The following SPIDR variants were observed in gnomAD, a reference collection of about 807,000 sequenced individuals.
SPIDR encodes the protein scaffold protein involved in DNA repair, also known as DNA repair-scaffolding protein.
In SPIDR, 93 loss-of-function variants were observed where a neutral mutation model predicts 104.6. That is an observed-to-expected ratio of 0.89 (90% CI 0.75 to 1.06). SPIDR has a LOEUF of 1.06. Among genes scored for constraint, SPIDR ranks in the 50% least tolerant of loss-of-function variants. SPIDR has a pLI of 0.00. For synonymous variants in SPIDR, 431 were observed against 416.9 expected (o/e 1.03, Z -0.41); for missense variants, 1,154 against 1,111.2 (o/e 1.04, Z -0.55).
At chr8:47,366,493 T>C (rs956831693) in intron 5 of SPIDR, among the ~76,000 whole-genome samples, 2 of 152,162 alleles carry the variant, frequency 1.3e-5, no homozygotes, top group Admixed American at 6.5e-5. Flanking sequence ...AGGAGACCAG[T>C]GTTTCTAATG....
Position 47,604,281 on chromosome 8 carries a change from A to G in SPIDR, c.1544+5085A>G, listed in dbSNP as rs565779263. 3.3e-5 allele frequency among the ~76,000 whole-genome samples: 5 copies of G among 152,340 alleles called. No individual in the cohort carries two copies. The East Asian group carries it at 9.6e-4, about 29-fold the overall frequency. ...CTCACAGAAGAGAGAATACCTTTGA[A>G]AAGCTCTTGGACAGGAGGGAGAAGC... On this transcript the variant is annotated intron_variant, in intron 10 of 19. Coordinates refer to ENST00000297423, the MANE Select transcript of SPIDR (RefSeq NM_001080394.4).
chr8:47,370,902 G>C (rs2154295009), intron 5 of SPIDR, among the ~76,000 whole-genome samples: 1 of 152,060 alleles, frequency 6.6e-6, no homozygotes, highest in Non-Finnish European at 1.5e-5. Context: ...TCCTGCTCCT[G>C]CTTAACAAAC....
At chr8:47,680,022 C>T (rs1589127973) in intron 11 of SPIDR, among the ~76,000 whole-genome samples, 1 of 152,110 alleles carries the variant, frequency 6.6e-6, no homozygotes, top group South Asian at 2.1e-4. Flanking sequence ...GTAAGGGTGG[C>T]GACCCATTAC....
chr8:47,501,424 T>A (rs1382271878), intron 8 of SPIDR, among the ~76,000 whole-genome samples: 1 of 152,160 alleles, frequency 6.6e-6, no homozygotes, highest in Non-Finnish European at 1.5e-5. Context: ...GGGAGTTCAC[T>A]CATGATTTGG....
At chr8:47,293,492 G>A (rs1222797801) in intron 4 of SPIDR, among the ~76,000 whole-genome samples, 3 of 152,138 alleles carry the variant, frequency 2.0e-5, no homozygotes, top group African/African-American at 7.2e-5. Flanking sequence ...TGTTGCCCAG[G>A]CTGGAGTTCA....
chr8:47,522,051 C>A (rs902989953), intron 8 of SPIDR, among the ~76,000 whole-genome samples: 1 of 151,792 alleles, frequency 6.6e-6, no homozygotes, highest in African/African-American at 2.4e-5. Context: ...GTAATCCCAG[C>A]TACTGGGAAG....
In SPIDR at chr8:47,511,298, C is replaced by G. The variant is rs569251179; in HGVS notation, c.1097+70756C>G. 2.3e-5 allele frequency: 32 copies of G among 1,421,804 alleles called. No individual in the cohort carries two copies. The Middle Eastern group carries it at 5.3e-4, about 24-fold the overall frequency. The allele number at this position is 1,421,804 out of a possible 1,614,324, so 88.1% of individuals were successfully genotyped here. A position where few individuals can be genotyped will look rare whatever the true frequency, so the allele number is the denominator to read the frequency against. On this transcript the variant is annotated intron_variant, in intron 8 of 19. Coordinates refer to ENST00000297423, the MANE Select transcript of SPIDR (RefSeq NM_001080394.4). ...TCGACGATTAAGATGGAAGAGCTGG[C>G]TTTGGCTTCATTTTCTGCCAGTTGG...
chr8:47,451,324 G>C (rs1323130342), intron 8 of SPIDR, among the ~76,000 whole-genome samples: 1 of 152,126 alleles, frequency 6.6e-6, no homozygotes, highest in Non-Finnish European at 1.5e-5. Context: ...CTTAACGCCT[G>C]TAATCCCAGC....
intron 10 of SPIDR, among the ~76,000 whole-genome samples, chr8:47,621,087 G>A (rs2065092753): frequency 6.6e-6 from 1 of 151,432 alleles, no homozygotes; most frequent in South Asian, 2.1e-4. Flanking sequence ...CTCCCAAGTA[G>A]CTGGGACTAC....
intron 5 of SPIDR, among the ~76,000 whole-genome samples, chr8:47,303,463 G>A (rs2042581263): frequency 6.6e-6 from 1 of 152,092 alleles, no homozygotes; most frequent in Non-Finnish European, 1.5e-5. Context: ...TGCACCCTCT[G>A]TCCAACACTC....
chr8:47,320,058 A>G (rs1313548539), intron 5 of SPIDR, among the ~76,000 whole-genome samples: 1 of 152,132 alleles, frequency 6.6e-6, no homozygotes, highest in Non-Finnish European at 1.5e-5. Context: ...AAGAGCAAAC[A>G]CATTCAAAAG....
chr8:47,635,337 C>T (rs2067732840), intron 10 of SPIDR, among the ~76,000 whole-genome samples: 1 of 151,868 alleles, frequency 6.6e-6, no homozygotes, highest in Admixed American at 6.6e-5. Context: ...GAGTGACTGT[C>T]TCAAAAAAAT....
At chr8:47,343,694 G>A (rs1554615462) in intron 5 of SPIDR, among the ~76,000 whole-genome samples, 3 of 152,186 alleles carry the variant, frequency 2.0e-5, no homozygotes, top group African/African-American at 7.2e-5. Flanking sequence ...GGGCTAAAGT[G>A]TGGAAGGACA....
intron 8 of SPIDR, among the ~76,000 whole-genome samples, chr8:47,485,199 T>C (rs2077392637): frequency 6.6e-6 from 1 of 152,208 alleles, no homozygotes; most frequent in Admixed American, 6.5e-5. Flanking sequence ...CAGGAGATTA[T>C]ATCCCGTGCA....
At chr8:47,339,774 G>T (rs1051382085) in intron 5 of SPIDR, among the ~76,000 whole-genome samples, 1 of 149,824 alleles carries the variant, frequency 6.7e-6, no homozygotes, top group Non-Finnish European at 1.5e-5. Flanking sequence ...TTGCCTCCCA[G>T]GTTCAAGCAA....
chr8:47,576,818 G>A (rs899047351), intron 8 of SPIDR, among the ~76,000 whole-genome samples: 6 of 152,042 alleles, frequency 3.9e-5, no homozygotes, highest in East Asian at 3.9e-4. Flanking sequence ...TATAAATATC[G>A]TTATACCTGT....
chr8:47,440,070 A>G (rs576608453), intron 7 of SPIDR, among the ~76,000 whole-genome samples: 2 of 152,342 alleles, frequency 1.3e-5, no homozygotes, highest in African/African-American at 2.4e-5. Context: ...CTATTTCTTC[A>G]TGACAGAAGA....
At chr8:47,552,458 T>C (rs2154397723) in intron 8 of SPIDR, among the ~76,000 whole-genome samples, 1 of 152,346 alleles carries the variant, frequency 6.6e-6, no homozygotes, top group Non-Finnish European at 1.5e-5. Flanking sequence ...GGTGCTCCTG[T>C]ATTGGGTGCA....
chr8:47,660,559 G>C, intron 10 of SPIDR: 1 of 979,604 alleles, frequency 1.0e-6, no homozygotes, highest in Non-Finnish European at 1.2e-6. Flanking sequence ...CTTTCTGACT[G>C]CTGCCTTGTT....
Sources: allele counts gnomAD v4.1 joint callset (sites outside exome capture counted in the v4.1 genomes callset), GRCh38; gene constraint gnomAD v4.1.1; transcripts MANE v1.5; gene names NCBI Gene and HGNC (gene_info 2026-07-23, HGNC 2026-07-21).